The following PLCB4 variants were observed in gnomAD, a reference collection of about 807,000 sequenced individuals.
PLCB4 encodes the protein phospholipase C beta 4.
PLCB4 carries 77 observed loss-of-function variants against 178.8 expected under a neutral mutation model. The ratio of observed to expected loss-of-function variants is 0.43; its 90% CI spans 0.36 to 0.52. The LOEUF is 0.52. PLCB4 is among the 20% of genes least tolerant of loss of function. The pLI, the probability that PLCB4 is intolerant of heterozygous loss-of-function variation, is 0.00. For missense variants in PLCB4, 1,024 were observed against 1,453.4 expected, an observed-to-expected ratio of 0.70 and a Z score of 4.80; for synonymous variants, 496 against 490.8, an observed-to-expected ratio of 1.01 and a Z score of -0.14.
At chr20:9,154,684 TACA>T (rs902609427) in intron 2 of PLCB4, among the ~76,000 whole-genome samples, 1 of 152,088 alleles carries the variant, frequency 6.6e-6, no homozygotes, top group African/African-American at 2.4e-5. Context: ...GTCTAGGAGC[TACA>T]ACATTTTCCA....
rs146039936 is a variant in PLCB4, at chr20:9,160,073, C to G, written c.-78-57317C>G. ...CCTGTGTCGCCAAGGAGCTGCTGCT[C>G]AGTTCTAGCCAGGACAGCAGGGTGA... On this transcript the variant is annotated intron_variant, in intron 2 of 39. Transcript: ENST00000378473. Among the ~76,000 whole-genome samples the G allele has an allele frequency of 8.3e-4, 126 of 152,272 alleles. 1 individual carries two copies. Among genetic ancestry groups the G allele is most frequent in the African/African-American group, 3.0e-3 (126 of 41,566 alleles).
At chr20:9,405,429 T>C in intron 21 of PLCB4, 81 bp downstream of exon 21, 3 of 803,010 alleles carry the variant, frequency 3.7e-6, no homozygotes, top group African/African-American at 1.8e-5. Context: ...TCAGTTGTGG[T>C]GAAAAAATGA....
chr20:9,130,455 G>C (rs1040298142), intron 2 of PLCB4, among the ~76,000 whole-genome samples: 1 of 152,148 alleles, frequency 6.6e-6, no homozygotes, highest in Non-Finnish European at 1.5e-5. Context: ...TCTAATTGCT[G>C]TGTCGTCTAG....
At chr20:9,422,480 G>A (rs139259342) in intron 27 of PLCB4, among the ~76,000 whole-genome samples, 1 of 152,206 alleles carries the variant, frequency 6.6e-6, no homozygotes, top group African/African-American at 2.4e-5. Flanking sequence ...TTTCCAATTT[G>A]TTATAGCTGG....
chr20:9,360,603 C>A (rs17389980), intron 7 of PLCB4, among the ~76,000 whole-genome samples: 7,581 of 151,942 alleles, frequency 0.05, 263 homozygotes, highest in Non-Finnish European at 0.076. Flanking sequence ...TCTGTCTATT[C>A]TTGGGAAACT....
At chr20:9,113,672 A>G (rs140809355) in intron 2 of PLCB4, among the ~76,000 whole-genome samples, 1 of 152,336 alleles carries the variant, frequency 6.6e-6, no homozygotes, top group East Asian at 1.9e-4. Flanking sequence ...CTAAATTGCT[A>G]AATAATCTAA....
intron 7 of PLCB4, among the ~76,000 whole-genome samples, chr20:9,342,730 T>A (rs571861465): frequency 1.3e-5 from 2 of 151,976 alleles, no homozygotes; most frequent in South Asian, 4.2e-4. Flanking sequence ...AAGGTGGATC[T>A]GAGACTAAGG....
chr20:9,330,000 T>C (rs2031388068), intron 4 of PLCB4, among the ~76,000 whole-genome samples: 3 of 152,180 alleles, frequency 2.0e-5, no homozygotes, highest in South Asian at 4.1e-4. Flanking sequence ...TTAGTTTAAC[T>C]TGAAAAAAAT....
intron 3 of PLCB4, among the ~76,000 whole-genome samples, chr20:9,274,641 T>C (rs1197737173): frequency 6.6e-6 from 1 of 152,138 alleles, no homozygotes; most frequent in Non-Finnish European, 1.5e-5. Context: ...AAATATCTTC[T>C]GTCCTACGAA....
Position 9,457,406 on chromosome 20 carries a change from AT to A in PLCB4, c.2997-4del. 1 of 1,430,344 alleles carries A rather than the reference AT, an allele frequency of 7.0e-7. No individual in the cohort carries two copies. Among genetic ancestry groups the A allele is most frequent in the Non-Finnish European group, 9.9e-7 (1 of 1,012,424 alleles). The allele number at this position is 1,430,344 out of a possible 1,614,324, so 88.6% of individuals were successfully genotyped here. ...TTCTGGCATGCATTTGCAACTTTCC[AT>A]TTTCAGGGGAAGTAATTGTCTCGAA... On this transcript the variant is annotated splice_polypyrimidine_tract_variant and splice_region_variant and intron_variant, in intron 33 of 39. Coordinates refer to ENST00000378473, the MANE Select transcript of PLCB4 (RefSeq NM_001377142.1).
intron 3 of PLCB4, among the ~76,000 whole-genome samples, chr20:9,262,976 C>G (rs1339290781): frequency 6.6e-6 from 1 of 152,184 alleles, no homozygotes; most frequent in Non-Finnish European, 1.5e-5. Context: ...CAGCGGCTCT[C>G]TTATCTCTGC....
intron 34 of PLCB4, 150 bp from the exon 35 acceptor site, chr20:9,459,485 T>C (rs2043259868): frequency 2.0e-6 from 1 of 503,210 alleles, no homozygotes; most frequent in Admixed American, 3.2e-5. Flanking sequence ...CATTGATTAA[T>C]ACATATTATT....
intron 3 of PLCB4, among the ~76,000 whole-genome samples, chr20:9,297,314 G>A (rs1263638104): frequency 6.6e-6 from 1 of 151,988 alleles, no homozygotes; most frequent in Non-Finnish European, 1.5e-5. Context: ...TGGGAGCCAA[G>A]CTATGAAGAT....
Position 9,421,348 on chromosome 20 carries a change from G to C in PLCB4, c.2206G>C (p.Val736Leu). The C allele has an allele frequency of 6.2e-7, 1 of 1,613,788 alleles. No individual in the cohort carries two copies. The highest frequency in any genetic ancestry group is 8.5e-7 in the Non-Finnish European group (1 of 1,179,718). Reference protein sequence around the residue: ...SDKKIGTYVEVDMYGLPTDTI... With the variant: ...SDKKIGTYVELDMYGLPTDTI... The stretch of plus-strand genomic sequence containing the variant: ...TAAGAAAATTGGCACCTACGTAGAG[G>C]TGGATATGTATGGGTTGCCCACTGA... The change falls in exon 27 of 40, where the codon GTG becomes CTG. Residue 736 changes from valine to leucine, a missense_variant. Physicochemically the swap from Val to Leu is conservative, Grantham distance 32 (BLOSUM62 1). Coordinates refer to ENST00000378473, the MANE Select transcript of PLCB4 (RefSeq NM_001377142.1).
chr20:9,270,140 G>A (rs957441922), intron 3 of PLCB4, among the ~76,000 whole-genome samples: 1 of 151,906 alleles, frequency 6.6e-6, no homozygotes. Context: ...ACAGCTTAAA[G>A]TAATATTAAG....
chr20:9,106,419 G>A (rs188300001), intron 2 of PLCB4, among the ~76,000 whole-genome samples: 166 of 151,790 alleles, frequency 1.1e-3, no homozygotes, highest in Middle Eastern at 3.4e-3. Flanking sequence ...AAACTGCACT[G>A]AAGGGCCATA....
chr20:9,158,800 A>G (rs1350436692), intron 2 of PLCB4, among the ~76,000 whole-genome samples: 1 of 152,170 alleles, frequency 6.6e-6, no homozygotes, highest in Non-Finnish European at 1.5e-5. Flanking sequence ...TTTTAAAGGC[A>G]TGCTCTATAG....
At chr20:9,108,321 C>T (rs1038634138) in intron 2 of PLCB4, among the ~76,000 whole-genome samples, 2 of 151,914 alleles carry the variant, frequency 1.3e-5, no homozygotes, top group Non-Finnish European at 2.9e-5. Context: ...AGTCTAAGGG[C>T]ACTTAGAGGG....
chr20:9,084,846 A>G (rs931305284), intron 1 of PLCB4, among the ~76,000 whole-genome samples: 8 of 152,052 alleles, frequency 5.3e-5, no homozygotes, highest in Non-Finnish European at 1.0e-4. Context: ...AGGTCAGGAG[A>G]TTGAGACCAT....
Sources: allele counts gnomAD v4.1 joint callset (sites outside exome capture counted in the v4.1 genomes callset), GRCh38; gene constraint gnomAD v4.1.1; transcripts MANE v1.5; gene names NCBI Gene and HGNC (gene_info 2026-07-23, HGNC 2026-07-21).